Variants in CELF2 observed in about 807,000 individuals in gnomAD.
CELF2 encodes CUGBP Elav-like family member 2.
Under a neutral mutation model 62.6 loss-of-function variants are expected in CELF2, and 8 were observed. That is an observed-to-expected ratio of 0.13 (90% confidence interval 0.07 to 0.23). The LOEUF is 0.23. Ranked by LOEUF, CELF2 falls within the 10% of genes least tolerant of loss-of-function variation. The pLI is 1.00. For missense variants in CELF2, 333 were observed against 671.0 expected (o/e 0.50, Z 5.56); for synonymous variants, 258 against 250.0 (o/e 1.03, Z -0.30).
intron 2 of CELF2, among the ~76,000 whole-genome samples, chr10:11,210,435 T>C (rs184754878): frequency 2.0e-5 from 3 of 152,356 alleles, no homozygotes; most frequent in African/African-American, 7.2e-5. Flanking sequence ...AAATACTTTT[T>C]ATTTGACCAG....
the CELF2 span, among the ~76,000 whole-genome samples, chr10:10,695,071 C>A: frequency 2.0e-4 from 29 of 148,550 alleles, no homozygotes; most frequent in South Asian, 4.5e-4. Flanking sequence ...GGTGATTTTG[C>A]TCTTTAGTTG....
chr10:10,649,441 A>T, the CELF2 span, among the ~76,000 whole-genome samples: 1 of 152,210 alleles, frequency 6.6e-6, no homozygotes, highest in Non-Finnish European at 1.5e-5. Flanking sequence ...AATATTGCCA[A>T]CTGTTTCCTC....
the CELF2 span, among the ~76,000 whole-genome samples, chr10:10,655,706 T>C: frequency 2.3e-5 from 3 of 128,370 alleles, no homozygotes; most frequent in South Asian, 1.0e-3. Flanking sequence ...CCTTACACCT[T>C]ATACAAAAAT....
the CELF2 span, among the ~76,000 whole-genome samples, chr10:10,786,463 C>A: frequency 7.2e-6 from 1 of 139,384 alleles, no homozygotes; most frequent in East Asian, 2.4e-4. Flanking sequence ...TTGCGTCACA[C>A]CTTGTGATCC....
At chr10:10,774,119 C>T in the CELF2 span, among the ~76,000 whole-genome samples, 279 of 152,286 alleles carry the variant, frequency 1.8e-3, 2 homozygotes, top group South Asian at 0.013. Context: ...TAAGAGATTT[C>T]CATAAAGGAT....
At chr10:10,711,756 C>A in the CELF2 span, among the ~76,000 whole-genome samples, 15 of 152,068 alleles carry the variant, frequency 9.9e-5, no homozygotes, top group Admixed American at 4.6e-4. Context: ...GTGGTGCATG[C>A]CTGTAGTCTC....
the CELF2 span, among the ~76,000 whole-genome samples, chr10:10,671,928 C>G: frequency 6.6e-6 from 1 of 152,052 alleles, no homozygotes; most frequent in Non-Finnish European, 1.5e-5. Flanking sequence ...TAGGCTTTCC[C>G]CATGTTGGCC....
intron 9 of CELF2, among the ~76,000 whole-genome samples, chr10:11,295,636 T>C (rs1444695586): frequency 1.3e-5 from 2 of 152,228 alleles, no homozygotes; most frequent in East Asian, 1.9e-4. Flanking sequence ...CGAGAGGGTT[T>C]AGCCCTTGGC....
chr10:10,471,717 A>T, the CELF2 span, among the ~76,000 whole-genome samples: 1 of 151,808 alleles, frequency 6.6e-6, no homozygotes, highest in Non-Finnish European at 1.5e-5. Flanking sequence ...AAGAGAAAAA[A>T]ATATGTTGAT....
Position 11,142,683 on chromosome 10 carries a change from C to CAA in CELF2, c.75-22784_75-22783dup, listed in dbSNP as rs1006618543. Among the ~76,000 whole-genome samples, 57 of 63,630 alleles carry CAA rather than the reference C, an allele frequency of 9.0e-4. 1 individual carries two copies. Among genetic ancestry groups the CAA allele is most frequent in the African/African-American group, 1.5e-3 (27 of 17,600 alleles). 41.7% of individuals were successfully genotyped at this position (63,630 alleles called of 152,430 possible). A position where few individuals can be genotyped will look rare whatever the true frequency, so the allele number is the denominator to read the frequency against. On this transcript the variant is annotated intron_variant, in intron 1 of 12. Transcript: ENST00000633077. ...TGGGTGACAGAGCGAGACGCTGTCTCAAAAAAAAAAAAAAAAAAAAGCAGA... is the reference window on the plus strand; with the variant it reads ...TGGGTGACAGAGCGAGACGCTGTCTCAAAAAAAAAAAAAAAAAAAAAAGCAGA...
chr10:10,528,617 G>A, the CELF2 span, among the ~76,000 whole-genome samples: 2 of 152,146 alleles, frequency 1.3e-5, no homozygotes, highest in Non-Finnish European at 2.9e-5. Context: ...CCCACACTTG[G>A]TGATTCTTCC....
At chr10:11,095,784 G>A (rs896130660) in intron 1 of CELF2, among the ~76,000 whole-genome samples, 6 of 151,888 alleles carry the variant, frequency 4.0e-5, no homozygotes, top group African/African-American at 9.7e-5. Context: ...GAGACGCTTC[G>A]AAATGAAATT....
At chr10:10,796,628 A>T (rs546552993), upstream of CELF2, among the ~76,000 whole-genome samples, 8 of 152,324 alleles carry the variant, frequency 5.3e-5, no homozygotes, top group Non-Finnish European at 1.0e-4. Context: ...ATGTCATTAT[A>T]GTTGCGGACA....
intron 2 of CELF2, among the ~76,000 whole-genome samples, chr10:11,199,654 T>A (rs2058772922): frequency 6.6e-6 from 1 of 152,188 alleles, no homozygotes; most frequent in Non-Finnish European, 1.5e-5. Flanking sequence ...CCACTCAGCT[T>A]GTCTGTTATG....
At chr10:10,870,144 A>C (rs1331061664) in intron 1 of CELF2, among the ~76,000 whole-genome samples, 1 of 152,222 alleles carries the variant, frequency 6.6e-6, no homozygotes, top group African/African-American at 2.4e-5. Flanking sequence ...ATGAATTCTT[A>C]AGAAAAATCA....
the CELF2 span, among the ~76,000 whole-genome samples, chr10:10,719,683 A>G: frequency 6.6e-6 from 1 of 152,106 alleles, no homozygotes; most frequent in Admixed American, 6.5e-5. Context: ...TGACCCTTCC[A>G]CGTATCACCT....
At chr10:11,154,972 C>G (rs530871548) in intron 1 of CELF2, among the ~76,000 whole-genome samples, 254 of 152,298 alleles carry the variant, frequency 1.7e-3, no homozygotes, top group Non-Finnish European at 2.5e-3. Flanking sequence ...TCAGTTGTTG[C>G]ATTGAATGAC....
the CELF2 span, among the ~76,000 whole-genome samples, chr10:10,585,150 C>G: frequency 2.6e-5 from 4 of 152,114 alleles, no homozygotes; most frequent in African/African-American, 9.7e-5. Context: ...TAAGATGCTC[C>G]TACTAATTCA....
At chr10:11,144,255 C>T (rs570471945) in intron 1 of CELF2, among the ~76,000 whole-genome samples, 2 of 152,228 alleles carry the variant, frequency 1.3e-5, no homozygotes, top group African/African-American at 4.8e-5. Flanking sequence ...GAAAAAAAAC[C>T]GTCCCTCTTG....
Sources: gnomAD v4.1 joint callset for allele counts (sites outside exome capture counted in the v4.1 genomes callset) on GRCh38, gnomAD v4.1.1 for gene constraint, MANE v1.5 for transcripts, NCBI Gene and HGNC (gene_info 2026-07-23, HGNC 2026-07-21) for gene names.